The following NFAM1 variants were observed in gnomAD, a reference collection of about 807,000 sequenced individuals.
The protein encoded by NFAM1 is NFAT activating protein with ITAM motif 1, also known as NFAT activation molecule 1.
A neutral mutation model predicts 29.0 loss-of-function variants in NFAM1; 17 were observed. That is an observed-to-expected ratio of 0.59 (90% CI 0.40 to 0.88). The LOEUF is 0.88. NFAM1 is among the 40% of genes least tolerant of loss of function. The pLI is 0.00. For synonymous variants in NFAM1, 175 were observed against 147.2 expected (o/e 1.19, Z -1.36); for missense variants, 324 against 344.6 (o/e 0.94, Z 0.47).
At chr22:42,426,022 C>T (rs1930610789) in intron 1 of NFAM1, among the ~76,000 whole-genome samples, 2 of 152,124 alleles carry the variant, frequency 1.3e-5, no homozygotes, top group Non-Finnish European at 2.9e-5. Context: ...ACCAGGTGGG[C>T]AAGTGAGAGG....
intron 1 of NFAM1, among the ~76,000 whole-genome samples, chr22:42,428,101 A>G (rs1930681380): frequency 6.6e-6 from 1 of 152,104 alleles, no homozygotes; most frequent in African/African-American, 2.4e-5. Flanking sequence ...CCCCTACCTG[A>G]GGGGCATTTG....
At chr22:42,429,504 T>C in intron 1 of NFAM1, among the ~76,000 whole-genome samples, 1 of 152,144 alleles carries the variant, frequency 6.6e-6, no homozygotes, top group Non-Finnish European at 1.5e-5. Flanking sequence ...CAATCCCAGC[T>C]ACTCAGGAGG....
At chr22:42,424,212 G>A (rs1164842539) in intron 1 of NFAM1, among the ~76,000 whole-genome samples, 2 of 152,148 alleles carry the variant, frequency 1.3e-5, no homozygotes, top group East Asian at 1.9e-4. Context: ...TCAGGAGATT[G>A]AGACCATCCT....
intron 3 of NFAM1, among the ~76,000 whole-genome samples, chr22:42,407,046 A>G (rs1929921780): frequency 6.8e-6 from 1 of 147,468 alleles, no homozygotes; most frequent in South Asian, 2.2e-4. Flanking sequence ...AAGTGCTGGG[A>G]TTACAGGCAT....
At chr22:42,413,205 G>A (rs1930151020) in intron 1 of NFAM1, among the ~76,000 whole-genome samples, 1 of 152,206 alleles carries the variant, frequency 6.6e-6, no homozygotes, top group South Asian at 2.1e-4. Context: ...GGAGAAGATC[G>A]TGTCTTTGAG....
intron 1 of NFAM1, 66 bp from the exon 2 acceptor site, chr22:42,411,802 CTG>C: frequency 8.7e-7 from 1 of 1,155,844 alleles, no homozygotes; most frequent in Non-Finnish European, 1.3e-6. Context: ...ACCCACTTGC[CTG>C]TTAAGGCTCA....
chr22:42,435,739 C>T (rs1930922580), upstream of NFAM1, among the ~76,000 whole-genome samples: 1 of 152,040 alleles, frequency 6.6e-6, no homozygotes, highest in Non-Finnish European at 1.5e-5. Flanking sequence ...ATGGTTTTGC[C>T]CTCAAGGCGC....
chr22:42,417,520 C>T (rs1930299909), intron 1 of NFAM1, among the ~76,000 whole-genome samples: 1 of 152,036 alleles, frequency 6.6e-6, no homozygotes, highest in Non-Finnish European at 1.5e-5. Flanking sequence ...TTCCCTTCCA[C>T]TTAGAGAGTT....
At chr22:42,434,358 T>C (rs1930890528), upstream of NFAM1, among the ~76,000 whole-genome samples, 1 of 151,920 alleles carries the variant, frequency 6.6e-6, no homozygotes, top group Non-Finnish European at 1.5e-5. Context: ...AGGGAAGGGG[T>C]AGCCTCTGGG....
chr22:42,391,177 T>C (rs112871413), intron 4 of NFAM1, among the ~76,000 whole-genome samples: 160 of 152,296 alleles, frequency 1.1e-3, no homozygotes, highest in African/African-American at 3.7e-3. Context: ...GCTCTCCCAG[T>C]CTTCCCCAGC....
At chr22:42,415,741 C>G (rs1487665406) in intron 1 of NFAM1, among the ~76,000 whole-genome samples, 2 of 152,208 alleles carry the variant, frequency 1.3e-5, no homozygotes, top group African/African-American at 2.4e-5. Flanking sequence ...TAGTTGGCTG[C>G]CAACTAGAAG....
chr22:42,437,433 A>G, the NFAM1 span, among the ~76,000 whole-genome samples: 1 of 151,970 alleles, frequency 6.6e-6, no homozygotes, highest in African/African-American at 2.4e-5. Flanking sequence ...GTGACCTACC[A>G]TACCCGGCCA....
Position 42,393,526 on chromosome 22 carries a change from G to A in NFAM1, c.663+4332C>T, listed in dbSNP as rs368620072. ...CAGGTTCAAGCGATTCTCCTGCCTCGGCCTCCTGAGTATCTGGGACTACAG... is the reference window on the plus strand; with the variant it reads ...CAGGTTCAAGCGATTCTCCTGCCTCAGCCTCCTGAGTATCTGGGACTACAG... On this transcript the variant is annotated intron_variant, in intron 4 of 5. Coordinates refer to ENST00000329021, the MANE Select transcript of NFAM1 (RefSeq NM_145912.8). 2.0e-4 allele frequency among the ~76,000 whole-genome samples: 30 copies of A among 150,544 alleles called. No individual in the cohort carries two copies. The East Asian group carries it at 3.5e-3, about 18-fold the overall frequency.
At chr22:42,422,251 G>A (rs892291945) in intron 1 of NFAM1, among the ~76,000 whole-genome samples, 2 of 152,126 alleles carry the variant, frequency 1.3e-5, no homozygotes, top group African/African-American at 4.8e-5. Context: ...GGTTTGAATC[G>A]GGAATAAGCC....
At chr22:42,428,183 C>A (rs373181868) in intron 1 of NFAM1, among the ~76,000 whole-genome samples, 1 of 152,204 alleles carries the variant, frequency 6.6e-6, no homozygotes, top group Non-Finnish European at 1.5e-5. Flanking sequence ...GAGCCTCTCC[C>A]GGCCCTCCTG....
upstream of NFAM1, among the ~76,000 whole-genome samples, chr22:42,435,921 G>A (rs1490959298): frequency 2.0e-5 from 3 of 150,054 alleles, no homozygotes; most frequent in African/African-American, 4.9e-5. Context: ...GCGGGTTCAA[G>A]TGATTCTCCC....
In NFAM1 at chr22:42,419,990, G is replaced by GT. The variant is rs869262500; in HGVS notation, c.122-8255dup. On this transcript the variant is annotated intron_variant, in intron 1 of 5. Coordinates refer to ENST00000329021, the MANE Select transcript of NFAM1 (RefSeq NM_145912.8). This position sits in a 1 kb window ranked among gnomAD's most constrained non-coding sequence, Gnocchi z 4.5. ...CTTTGAGTCTGTAATCCCACTCTTG[G>GT]TTTTTTTTTTTTTTTTTTTTTTTTT... 3.3e-5 allele frequency among the ~76,000 whole-genome samples: 1 copy of GT among 30,522 alleles called. No individual in the cohort carries two copies. The highest frequency in any genetic ancestry group is 1.7e-4 in the African/African-American group (1 of 5,982). 20.0% of individuals were successfully genotyped at this position (30,522 alleles called of 152,430 possible). A position where few individuals can be genotyped will look rare whatever the true frequency, so the allele number is the denominator to read the frequency against.
chr22:42,390,690 G>A (rs1306786856), intron 4 of NFAM1, among the ~76,000 whole-genome samples: 2 of 152,018 alleles, frequency 1.3e-5, no homozygotes, highest in Non-Finnish European at 2.9e-5. Flanking sequence ...GGTGACGGGT[G>A]CCTGTAGTCC....
chr22:42,399,004 G>A (rs1929630464), intron 3 of NFAM1, among the ~76,000 whole-genome samples: 1 of 152,200 alleles, frequency 6.6e-6, no homozygotes, highest in African/African-American at 2.4e-5. Flanking sequence ...ACATGAGGAG[G>A]AAACCAATGC....
Sources: gnomAD v4.1 joint callset for allele counts (sites outside exome capture counted in the v4.1 genomes callset) on GRCh38, gnomAD v4.1.1 for gene constraint, Gnocchi (gnomAD v3.1) non-coding constraint, MANE v1.5 for transcripts, NCBI Gene and HGNC (gene_info 2026-07-23, HGNC 2026-07-21) for gene names.